The following L3MBTL4 variants were observed in gnomAD, a reference collection of about 807,000 sequenced individuals.
L3MBTL4 encodes the protein L3MBTL histone methyl-lysine binding protein 4.
L3MBTL4 carries 70 observed loss-of-function variants against 84.5 expected under a neutral mutation model. The observed-to-expected ratio is 0.83, with a 90% CI of 0.68 to 1.01. The LOEUF (loss-of-function observed/expected upper bound fraction) is 1.01. Ranked by LOEUF, L3MBTL4 falls within the 50% of genes least tolerant of loss-of-function variation. The pLI is 0.00. For synonymous variants in L3MBTL4, 274 were observed against 259.8 expected (o/e 1.05, Z -0.52); for missense variants, 715 against 754.8 (o/e 0.95, Z 0.62).
chr18:6,246,942 GCAA>G (rs1374359577), intron 5 of L3MBTL4, among the ~76,000 whole-genome samples: 1 of 151,864 alleles, frequency 6.6e-6, no homozygotes, highest in African/African-American at 2.4e-5. Flanking sequence ...TTTAAAAGTT[GCAA>G]CAACAAGACA....
intron 4 of L3MBTL4, among the ~76,000 whole-genome samples, chr18:6,287,798 C>T (rs2049666800): frequency 1.3e-5 from 2 of 152,148 alleles, no homozygotes; most frequent in African/African-American, 2.4e-5. Context: ...CTGCTTTATC[C>T]AAAATTTGGT....
chr18:6,115,779 T>C (rs1399522834), intron 14 of L3MBTL4, among the ~76,000 whole-genome samples: 4 of 152,210 alleles, frequency 2.6e-5, no homozygotes, highest in Non-Finnish European at 5.9e-5. Flanking sequence ...AGAGTAAGCA[T>C]GGCCACGAAG....
chr18:6,047,117 C>T (rs2056656475), intron 16 of L3MBTL4, among the ~76,000 whole-genome samples: 1 of 152,112 alleles, frequency 6.6e-6, no homozygotes, highest in Non-Finnish European at 1.5e-5. Flanking sequence ...CTATTATGAA[C>T]ATCTCTATGC....
At chr18:6,373,033 T>C (rs994115250) in intron 1 of L3MBTL4, among the ~76,000 whole-genome samples, 3 of 152,194 alleles carry the variant, frequency 2.0e-5, no homozygotes, top group Non-Finnish European at 2.9e-5. Context: ...CAAAACAGAA[T>C]GATGCAAAAA....
chr18:6,004,267 G>A (rs1340288669), intron 16 of L3MBTL4, among the ~76,000 whole-genome samples: 4 of 152,068 alleles, frequency 2.6e-5, no homozygotes, highest in African/African-American at 4.8e-5. Flanking sequence ...CAACAAGTTG[G>A]ATAACACAGA....
chr18:6,165,105 A>G (rs977262836), intron 13 of L3MBTL4, among the ~76,000 whole-genome samples: 11 of 152,238 alleles, frequency 7.2e-5, no homozygotes, highest in African/African-American at 2.7e-4. Context: ...AATGAATGAC[A>G]TGAACTAAGA....
chr18:5,959,212 G>C (rs553517404), intron 18 of L3MBTL4, among the ~76,000 whole-genome samples: 3 of 152,220 alleles, frequency 2.0e-5, no homozygotes, highest in Non-Finnish European at 4.4e-5. Context: ...GAAAGTTCTA[G>C]AGCAGCGATG....
At chr18:6,303,205 A>T (rs2050422045) in intron 3 of L3MBTL4, among the ~76,000 whole-genome samples, 1 of 151,950 alleles carries the variant, frequency 6.6e-6, no homozygotes, top group Non-Finnish European at 1.5e-5. Context: ...GGCTCACTGC[A>T]ACCACCACCT....
chr18:6,127,466 A>G (rs2059732322), intron 14 of L3MBTL4, among the ~76,000 whole-genome samples: 1 of 152,198 alleles, frequency 6.6e-6, no homozygotes, highest in African/African-American at 2.4e-5. Flanking sequence ...TACGAAATAA[A>G]ACCATAAACT....
intron 5 of L3MBTL4, among the ~76,000 whole-genome samples, chr18:6,262,253 G>A (rs1302750666): frequency 6.6e-6 from 1 of 152,130 alleles, no homozygotes; most frequent in Non-Finnish European, 1.5e-5. Flanking sequence ...AAAGGGCAAG[G>A]TGACTGTGAG....
chr18:6,325,832 T>A (rs1048597313), intron 1 of L3MBTL4, among the ~76,000 whole-genome samples: 1 of 152,246 alleles, frequency 6.6e-6, no homozygotes, highest in African/African-American at 2.4e-5. Context: ...TCATCTAATG[T>A]AAGAAAGAAA....
chr18:6,108,876 A>G (rs1158781696), intron 14 of L3MBTL4, among the ~76,000 whole-genome samples: 1 of 152,250 alleles, frequency 6.6e-6, no homozygotes, highest in Non-Finnish European at 1.5e-5. Flanking sequence ...AGGTATTACA[A>G]GGAATCTAGA....
intron 5 of L3MBTL4, among the ~76,000 whole-genome samples, chr18:6,262,026 G>A (rs962537934): frequency 1.3e-5 from 2 of 152,130 alleles, no homozygotes; most frequent in African/African-American, 2.4e-5. Flanking sequence ...CTGAGGACAC[G>A]GCACAGGTGT....
chr18:6,149,383 A>C (rs943837818), intron 13 of L3MBTL4, among the ~76,000 whole-genome samples: 10 of 151,002 alleles, frequency 6.6e-5, no homozygotes, highest in Non-Finnish European at 1.2e-4. Flanking sequence ...TGAACTCATC[A>C]TTTTTTATGG....
At chr18:6,146,426 G>C (rs1023470496) in intron 13 of L3MBTL4, among the ~76,000 whole-genome samples, 2 of 152,166 alleles carry the variant, frequency 1.3e-5, no homozygotes, top group African/African-American at 4.8e-5. Flanking sequence ...GGCTGAGAGC[G>C]AGGAACTCAG....
chr18:6,075,902 T>C (rs1276155056), intron 16 of L3MBTL4, among the ~76,000 whole-genome samples: 1 of 152,210 alleles, frequency 6.6e-6, no homozygotes, highest in Non-Finnish European at 1.5e-5. Context: ...TCAAGCTCAT[T>C]AGGCCTCAGA....
intron 12 of L3MBTL4, among the ~76,000 whole-genome samples, chr18:6,207,865 G>A (rs368197603): frequency 4.5e-4 from 68 of 152,082 alleles, no homozygotes; most frequent in African/African-American, 1.5e-3. Context: ...CAGAACTTTG[G>A]GAGCCGAGGC....
At chr18:6,357,725 G>A (rs114221179) in intron 1 of L3MBTL4, among the ~76,000 whole-genome samples, 223 of 152,184 alleles carry the variant, frequency 1.5e-3, no homozygotes, top group African/African-American at 5.2e-3. Context: ...ATGCATATAC[G>A]ACAGAGAATG....
intron 16 of L3MBTL4, chr18:6,030,886 G>T: frequency 1.0e-6 from 1 of 985,076 alleles, no homozygotes; most frequent in Non-Finnish European, 1.2e-6. Flanking sequence ...AAACAACCAG[G>T]CAGCCAAATT....
Sources: allele counts gnomAD v4.1 joint callset (sites outside exome capture counted in the v4.1 genomes callset), GRCh38; gene constraint gnomAD v4.1.1; transcripts MANE v1.5; gene names NCBI Gene and HGNC (gene_info 2026-07-23, HGNC 2026-07-21).